The following TRIM9 variants were observed in gnomAD, a reference collection of about 807,000 sequenced individuals.
TRIM9 encodes the protein tripartite motif containing 9.
A neutral mutation model predicts 78.3 loss-of-function variants in TRIM9; 26 were observed. The ratio of observed to expected loss-of-function variants is 0.33; its 90% CI spans 0.24 to 0.46. The LOEUF is 0.46. TRIM9 is among the 20% of genes least tolerant of loss of function. The pLI is 1.00. For missense variants in TRIM9, 787 were observed against 1,036.4 expected (o/e 0.76, Z 3.30); for synonymous variants, 398 against 416.5 (o/e 0.96, Z 0.54).
chr14:50,983,422 C>A lies in TRIM9; in HGVS notation c.1793-1G>T. 6.5e-7 allele frequency: 1 copy of A among 1,541,374 alleles called. No individual in the cohort carries two copies. Among genetic ancestry groups the A allele is most frequent in the East Asian group, 2.5e-5 (1 of 40,694 alleles). On this transcript the variant is annotated splice_acceptor_variant, in intron 8 of 12. Coordinates refer to ENST00000684578, the MANE Select transcript of TRIM9 (RefSeq NM_001387360.1). LOFTEE classifies it high-confidence loss of function. ...GCAGATTGTGTCTCAAAATTGCATC[C>A]TATAAAGAGATACTACACATCAACG...
At chr14:51,001,272 C>T (rs1408069753) in intron 5 of TRIM9, among the ~76,000 whole-genome samples, 1 of 148,908 alleles carries the variant, frequency 6.7e-6, no homozygotes, top group African/African-American at 2.5e-5. Context: ...CTCTGTCGCC[C>T]AGGTTGGAGT....
intron 1 of TRIM9, among the ~76,000 whole-genome samples, chr14:51,079,115 T>C (rs2063071131): frequency 6.6e-6 from 1 of 152,194 alleles, no homozygotes; most frequent in Non-Finnish European, 1.5e-5. Flanking sequence ...TCAGAAAACT[T>C]AATAATAGAC....
At chr14:51,054,578 T>C (rs1250955080) in intron 1 of TRIM9, among the ~76,000 whole-genome samples, 1 of 151,942 alleles carries the variant, frequency 6.6e-6, no homozygotes, top group Non-Finnish European at 1.5e-5. Flanking sequence ...CGCCGGCCAA[T>C]GCTCTTTTTT....
intron 7 of TRIM9, chr14:50,996,979 G>T: frequency 1.0e-6 from 1 of 985,404 alleles, no homozygotes; most frequent in Non-Finnish European, 1.2e-6. Flanking sequence ...ACTGGCACAT[G>T]TTGAGGTTTG....
chr14:51,061,345 G>A (rs1174108939), intron 1 of TRIM9, among the ~76,000 whole-genome samples: 4 of 150,332 alleles, frequency 2.7e-5, no homozygotes, highest in East Asian at 2.0e-4. Flanking sequence ...CCCAGGAGGC[G>A]GAGGTTGCAG....
At chr14:51,025,419 A>ACACAGGTGTTTTCC (rs58368926) in intron 1 of TRIM9, 59 bp from the exon 2 acceptor site, 1 of 1,441,694 alleles carries the variant, frequency 6.9e-7, no homozygotes, top group Non-Finnish European at 9.7e-7. Flanking sequence ...CAACAAGGCC[A>ACACAGGTGTTTTCC]GCGAGACTCA....
intron 1 of TRIM9, among the ~76,000 whole-genome samples, chr14:51,047,578 T>C (rs2060046358): frequency 6.6e-6 from 1 of 152,232 alleles, no homozygotes; most frequent in African/African-American, 2.4e-5. Context: ...ATGTTCATGA[T>C]GCACCTAACA....
intron 3 of TRIM9, among the ~76,000 whole-genome samples, chr14:51,011,829 G>A (rs779164511): frequency 3.9e-5 from 6 of 151,966 alleles, no homozygotes; most frequent in Non-Finnish European, 8.8e-5. Context: ...CTTATTTATC[G>A]TTGCAGTCAT....
Position 50,983,396 on chromosome 14 carries a change from T to A in TRIM9, c.1818A>T (p.Ala606=), listed in dbSNP as rs2052247016. The A allele has an allele frequency of 6.5e-7, 1 of 1,543,756 alleles. No individual in the cohort carries two copies. Among genetic ancestry groups the A allele is most frequent in the Non-Finnish European group, 8.7e-7 (1 of 1,142,924 alleles). The stretch of plus-strand genomic sequence containing the variant: ...TATACTTGCCTAATTGAGAGTAAGG[T>A]GCAGATTGTGTCTCAAAATTGCATC... The part of the protein sequence containing the change: ...APGCNFETQS[A]PYSQLVDIKK... The change falls in exon 9 of 13, where the codon GCA becomes GCT. Residue 606 remains alanine, a synonymous_variant. Coordinates refer to ENST00000684578, the MANE Select transcript of TRIM9 (RefSeq NM_001387360.1).
In TRIM9 at chr14:51,071,452, T is replaced by C. The variant is rs1245680088; in HGVS notation, c.822+22666A>G. Among the ~76,000 whole-genome samples the C allele has an allele frequency of 2.7e-5, 4 of 150,880 alleles. No individual in the cohort carries two copies. The East Asian group carries it at 7.8e-4, about 29-fold the overall frequency. On this transcript the variant is annotated intron_variant, in intron 1 of 12. Coordinates refer to ENST00000684578, the MANE Select transcript of TRIM9 (RefSeq NM_001387360.1). ...AAAGTGGAGACAAATAGACTTCACT[T>C]GAAATGCCAACTCTGATACCTGGGT... is the stretch of plus-strand genomic sequence containing the variant.
At chr14:51,038,622 G>A (rs1351869281) in intron 1 of TRIM9, among the ~76,000 whole-genome samples, 1 of 152,116 alleles carries the variant, frequency 6.6e-6, no homozygotes, top group Non-Finnish European at 1.5e-5. Context: ...ACATTTCAAG[G>A]TTGAATTAAG....
At chr14:51,020,282 G>A (rs1396944775) in intron 3 of TRIM9, among the ~76,000 whole-genome samples, 3 of 152,302 alleles carry the variant, frequency 2.0e-5, no homozygotes, top group East Asian at 1.9e-4. Flanking sequence ...GAGAGCGAGC[G>A]AGCCGTGGAG....
intron 3 of TRIM9, among the ~76,000 whole-genome samples, chr14:51,012,822 T>G (rs541261605): frequency 6.6e-6 from 1 of 152,370 alleles, no homozygotes; most frequent in East Asian, 1.9e-4. Context: ...ATGCTGAGCA[T>G]CTTTTCATAC....
chr14:51,061,532 T>G lies in TRIM9; in HGVS notation c.822+32586A>C, dbSNP rs549971584. On this transcript the variant is annotated intron_variant, in intron 1 of 12. Transcript: ENST00000684578. ...AGTCTGTATCTTGATGCTTAAGCTGTAATTTCTTTAATTTTTTGTGGTTAG... is the reference window on the plus strand; with the variant it reads ...AGTCTGTATCTTGATGCTTAAGCTGGAATTTCTTTAATTTTTTGTGGTTAG... 2.1e-4 allele frequency among the ~76,000 whole-genome samples: 32 copies of G among 152,346 alleles called. No homozygotes were observed. In the South Asian group the frequency reaches 6.4e-3, roughly 31 times the overall value.
chr14:50,979,510 G>A lies in TRIM9; in HGVS notation c.2202C>T (p.Val734=). Residue 734 remains valine (V), a synonymous_variant, in exon 12 of 13, where the codon GTC becomes GTT. Transcript: ENST00000684578. ...AGTTTTTTCTATTTAAGTCGAGGAG[G>A]ACCCCAATTGTGGCCCCTTTTGTGA... ...GGITKGATIG[V]LLDLNRKNLT... is the part of the protein sequence containing the mutation. 6.2e-7 allele frequency: 1 copy of A among 1,614,150 alleles called. No individual in the cohort carries two copies. The highest frequency in any genetic ancestry group is 8.5e-7 in the Non-Finnish European group (1 of 1,180,030).
chr14:51,021,794 TG>T, intron 3 of TRIM9, among the ~76,000 whole-genome samples: 1 of 152,276 alleles, frequency 6.6e-6, no homozygotes, highest in South Asian at 2.1e-4. Flanking sequence ...CCTGCACCAA[TG>T]GGGTGATAGA....
intron 12 of TRIM9, 158 bp downstream of exon 12, chr14:50,979,229 T>G: frequency 1.4e-6 from 2 of 1,477,070 alleles, no homozygotes; most frequent in South Asian, 1.4e-5. Flanking sequence ...ATAAAATAAG[T>G]TGCCAGTGCT....
At chr14:51,007,573 C>T (rs1255843832) in intron 5 of TRIM9, among the ~76,000 whole-genome samples, 1 of 152,162 alleles carries the variant, frequency 6.6e-6, no homozygotes, top group Admixed American at 6.5e-5. Context: ...GCTGTGGGAG[C>T]TCAGGCAAGT....
chr14:51,000,621 G>A (rs1485259371), intron 6 of TRIM9, 62 bp downstream of exon 6: 1 of 1,593,986 alleles, frequency 6.3e-7, no homozygotes, highest in Non-Finnish European at 8.6e-7. Flanking sequence ...AGACTCCCTG[G>A]CAGGTCCTCT....
Sources: gnomAD v4.1 joint callset for allele counts (sites outside exome capture counted in the v4.1 genomes callset) on GRCh38, gnomAD v4.1.1 for gene constraint, MANE v1.5 for transcripts, NCBI Gene and HGNC (gene_info 2026-07-23, HGNC 2026-07-21) for gene names.